FSTL5: variants seen among roughly 807,000 people sequenced by gnomAD.
FSTL5 encodes the protein follistatin like 5.
A neutral mutation model predicts 89.1 loss-of-function variants in FSTL5; 62 were observed. The observed-to-expected ratio is 0.70, with a 90% CI of 0.57 to 0.86. The LOEUF (loss-of-function observed/expected upper bound fraction) is 0.86, where lower values mean the gene tolerates loss of function less well. FSTL5 is among the 40% of genes least tolerant of loss of function. The pLI is 0.00. For missense variants in FSTL5, 1,057 were observed against 1,001.6 expected, an observed-to-expected ratio of 1.06 and a Z score of -0.75; for synonymous variants, 383 against 346.2, an observed-to-expected ratio of 1.11 and a Z score of -1.18.
intron 4 of FSTL5, among the ~76,000 whole-genome samples, chr4:161,807,077 G>C (rs1371458956): frequency 6.7e-6 from 1 of 149,942 alleles, no homozygotes; most frequent in African/African-American, 2.5e-5. Context: ...ACAATAAGAG[G>C]TACTCTAAAA....
At chr4:162,109,281 AG>A in intron 2 of FSTL5, among the ~76,000 whole-genome samples, 1 of 152,148 alleles carries the variant, frequency 6.6e-6, no homozygotes, top group East Asian at 1.9e-4. Flanking sequence ...ATGAGTACAA[AG>A]TGTAAGATGG....
chr4:161,431,600 T>C (rs76855362), intron 15 of FSTL5, among the ~76,000 whole-genome samples: 2,371 of 152,048 alleles, frequency 0.016, 58 homozygotes, highest in African/African-American at 0.054. Flanking sequence ...ATGGCAGAAG[T>C]AAGTTCTTAC....
chr4:162,062,748 C>G (rs566419664), intron 2 of FSTL5, among the ~76,000 whole-genome samples: 2 of 150,786 alleles, frequency 1.3e-5, no homozygotes, highest in African/African-American at 4.8e-5. Flanking sequence ...TGTATATACA[C>G]ACACCTTTTT....
rs368700607 is a variant in FSTL5 at position 161,518,719 on chromosome 4, C to G, written c.1313-8295G>C. 4.1e-4 allele frequency among the ~76,000 whole-genome samples: 63 copies of G among 152,288 alleles called. No homozygotes were observed. In the South Asian group the frequency reaches 9.1e-3, roughly 22 times the overall value. On this transcript the variant is annotated intron_variant, in intron 10 of 15. Coordinates refer to ENST00000306100, the MANE Select transcript of FSTL5 (RefSeq NM_020116.5). ...AAAATAAAAAAATAAAAACAACATC[C>G]ATCTTTCCTTCAAACCAAGTAAACA...
chr4:161,550,020 G>A (rs937174261), intron 8 of FSTL5, among the ~76,000 whole-genome samples: 1 of 151,784 alleles, frequency 6.6e-6, no homozygotes, highest in African/African-American at 2.4e-5. Flanking sequence ...CACCCTACTG[G>A]CCTGTTAGTT....
intron 4 of FSTL5, among the ~76,000 whole-genome samples, chr4:161,910,499 TG>T (rs1317699084): frequency 6.6e-6 from 1 of 152,152 alleles, no homozygotes; most frequent in East Asian, 1.9e-4. Context: ...ATACTCTCCT[TG>T]CATACATTAA....
At chr4:162,107,152 T>C (rs953898584) in intron 2 of FSTL5, among the ~76,000 whole-genome samples, 2 of 152,190 alleles carry the variant, frequency 1.3e-5, no homozygotes, top group African/African-American at 4.8e-5. Flanking sequence ...ACAGGCCAAA[T>C]TACTACAAAA....
intron 4 of FSTL5, among the ~76,000 whole-genome samples, chr4:161,808,692 A>G (rs542682664): frequency 6.6e-6 from 1 of 152,326 alleles, no homozygotes; most frequent in East Asian, 1.9e-4. Context: ...GGACACAATC[A>G]ATAGAGTGAA....
At chr4:161,629,848 G>A (rs1464422261) in intron 7 of FSTL5, among the ~76,000 whole-genome samples, 1 of 152,166 alleles carries the variant, frequency 6.6e-6, no homozygotes. Flanking sequence ...TACCTGGCAG[G>A]TCTCAGAGGG....
chr4:161,783,728 T>TCC lies in FSTL5; in HGVS notation c.410-7655_410-7654insGG, dbSNP rs1553965674. On this transcript the variant is annotated intron_variant, in intron 4 of 15. Transcript: ENST00000306100. ...CTTTCTTTCTTTCTTTCTTTCTTCT[T>TCC]TTCTTTTCTTTCTTTCTTTCTTTCT... Among the ~76,000 whole-genome samples, 7 of 15,568 alleles carry TCC rather than the reference T, an allele frequency of 4.5e-4. 1 individual carries two copies. The highest frequency in any genetic ancestry group is 1.8e-3 in the African/African-American group (7 of 3,976). 10.2% of individuals were successfully genotyped at this position (15,568 alleles called of 152,430 possible).
chr4:161,474,052 T>A (rs1466605106), intron 13 of FSTL5, among the ~76,000 whole-genome samples: 1 of 152,238 alleles, frequency 6.6e-6, no homozygotes, highest in Non-Finnish European at 1.5e-5. Flanking sequence ...ATTGTCTTCA[T>A]TCATGTTTAG....
At chr4:162,112,629 TCTCTC>T (rs1390347150) in intron 1 of FSTL5, among the ~76,000 whole-genome samples, 9 of 152,092 alleles carry the variant, frequency 5.9e-5, no homozygotes, top group African/African-American at 2.2e-4. Context: ...GAAGGTAACT[TCTCTC>T]CTCTACTTTC....
At chr4:161,466,220 G>A (rs1375341161) in intron 13 of FSTL5, among the ~76,000 whole-genome samples, 1 of 151,918 alleles carries the variant, frequency 6.6e-6, no homozygotes, top group African/African-American at 2.4e-5. Context: ...TATTTCTTTT[G>A]TTGCTATCTA....
chr4:162,020,827 T>C (rs1737056474), intron 3 of FSTL5, among the ~76,000 whole-genome samples: 1 of 152,126 alleles, frequency 6.6e-6, no homozygotes, highest in Admixed American at 6.5e-5. Flanking sequence ...GTATTTCAAA[T>C]ATTTATGATT....
At chr4:161,645,333 T>C (rs543040262) in intron 7 of FSTL5, among the ~76,000 whole-genome samples, 24 of 152,156 alleles carry the variant, frequency 1.6e-4, no homozygotes, top group Non-Finnish European at 2.9e-4. Flanking sequence ...TTTTAGAAAC[T>C]AAACTTAAAA....
intron 13 of FSTL5, among the ~76,000 whole-genome samples, chr4:161,473,005 G>A (rs944857586): frequency 3.3e-5 from 5 of 152,174 alleles, no homozygotes; most frequent in African/African-American, 9.7e-5. Flanking sequence ...TTATAGCTAT[G>A]AGCCACCGTG....
At chr4:161,978,883 G>A (rs564056108) in intron 3 of FSTL5, among the ~76,000 whole-genome samples, 4 of 151,992 alleles carry the variant, frequency 2.6e-5, no homozygotes, top group South Asian at 2.1e-4. Flanking sequence ...CATAACATCA[G>A]GTTTTTAATC....
chr4:161,583,086 C>A (rs1733491376), intron 8 of FSTL5, among the ~76,000 whole-genome samples: 1 of 152,090 alleles, frequency 6.6e-6, no homozygotes, highest in African/African-American at 2.4e-5. Flanking sequence ...CCTGTAATCC[C>A]AGCTACTGGG....
chr4:161,712,970 C>A (rs561323834), intron 6 of FSTL5, among the ~76,000 whole-genome samples: 1 of 152,274 alleles, frequency 6.6e-6, no homozygotes, highest in East Asian at 1.9e-4. Flanking sequence ...ATACCGCCTG[C>A]AGAACTGTGA....
Sources: allele counts gnomAD v4.1 joint callset (sites outside exome capture counted in the v4.1 genomes callset), GRCh38; gene constraint gnomAD v4.1.1; transcripts MANE v1.5; gene names NCBI Gene and HGNC (gene_info 2026-07-23, HGNC 2026-07-21).